Variants in DPP10 observed in about 807,000 individuals in gnomAD.
DPP10 encodes dipeptidyl peptidase like 10.
DPP10 carries 33 observed loss-of-function variants against 120.9 expected under a neutral mutation model. The observed-to-expected ratio is 0.27, with a 90% CI of 0.21 to 0.37. DPP10 has a LOEUF of 0.37. Ranked by LOEUF, DPP10 falls within the 10% of genes least tolerant of loss-of-function variation. The probability of loss-of-function intolerance (pLI) is 1.00; values close to 1 mark genes in which losing one functional copy is unlikely to be tolerated. For missense variants in DPP10, 816 were observed against 942.8 expected, an observed-to-expected ratio of 0.87 and a Z score of 1.76; for synonymous variants, 337 against 326.1, an observed-to-expected ratio of 1.03 and a Z score of -0.36.
At chr2:115,105,558 G>A (rs181728834) in intron 1 of DPP10, among the ~76,000 whole-genome samples, 10 of 152,198 alleles carry the variant, frequency 6.6e-5, no homozygotes, top group African/African-American at 2.2e-4. Context: ...CATTCATGAG[G>A]AGTCTGCCCC....
chr2:114,477,523 A>G (rs941401254), intron 1 of DPP10, among the ~76,000 whole-genome samples: 3 of 91,448 alleles, frequency 3.3e-5, no homozygotes, highest in Non-Finnish European at 7.1e-5. Context: ...GTGTGTATAT[A>G]TGTATATATA....
intron 13 of DPP10, among the ~76,000 whole-genome samples, chr2:115,773,297 C>T (rs1207587837): frequency 6.6e-6 from 1 of 152,086 alleles, no homozygotes; most frequent in African/African-American, 2.4e-5. Flanking sequence ...CAGGGTTAAA[C>T]TTGTATTGAT....
intron 5 of DPP10, among the ~76,000 whole-genome samples, chr2:115,656,797 G>A (rs557380142): frequency 6.6e-6 from 1 of 151,568 alleles, no homozygotes; most frequent in Non-Finnish European, 1.5e-5. Context: ...ATATTGGAAG[G>A]TTTGCTTATT....
intron 1 of DPP10, among the ~76,000 whole-genome samples, chr2:115,305,318 T>A (rs558809894): frequency 2.0e-5 from 3 of 152,060 alleles, no homozygotes; most frequent in Non-Finnish European, 4.4e-5. Flanking sequence ...TGTTGGGTGG[T>A]AGAAAGCCAT....
At chr2:114,526,742 A>G (rs931986788) in intron 1 of DPP10, among the ~76,000 whole-genome samples, 5 of 152,034 alleles carry the variant, frequency 3.3e-5, no homozygotes, top group Non-Finnish European at 7.4e-5. Context: ...CTTTTATAAG[A>G]GCACTAATCC....
chr2:115,593,766 G>A (rs1371908600), intron 5 of DPP10, among the ~76,000 whole-genome samples: 1 of 152,084 alleles, frequency 6.6e-6, no homozygotes, highest in East Asian at 1.9e-4. Context: ...ACAAATCATA[G>A]CAGGACCAAT....
chr2:115,841,616 G>A (rs1690155794), intron 25 of DPP10, among the ~76,000 whole-genome samples: 1 of 152,158 alleles, frequency 6.6e-6, no homozygotes, highest in Non-Finnish European at 1.5e-5. Context: ...GGAGTATGGA[G>A]TTTTATTCAA....
chr2:115,312,987 G>T (rs982442647), intron 2 of DPP10, among the ~76,000 whole-genome samples: 2 of 152,116 alleles, frequency 1.3e-5, no homozygotes, highest in Non-Finnish European at 2.9e-5. Flanking sequence ...ACTTTGGGAG[G>T]CCGAGGTGGG....
At chr2:114,529,022 G>C (rs911490019) in intron 1 of DPP10, among the ~76,000 whole-genome samples, 16 of 152,044 alleles carry the variant, frequency 1.1e-4, no homozygotes, top group African/African-American at 3.6e-4. Context: ...GGGTCTGGCT[G>C]AGAAATAACT....
intron 1 of DPP10, among the ~76,000 whole-genome samples, chr2:114,602,933 G>A (rs755675442): frequency 5.3e-5 from 8 of 151,966 alleles, no homozygotes; most frequent in African/African-American, 9.7e-5. Context: ...GATTCAGGTC[G>A]AACTTTCAAC....
At chr2:114,952,918 A>T (rs972859783) in intron 1 of DPP10, among the ~76,000 whole-genome samples, 4 of 152,282 alleles carry the variant, frequency 2.6e-5, no homozygotes, top group African/African-American at 9.6e-5. Flanking sequence ...TGTCCATTAG[A>T]TATAGCCTTT....
intron 1 of DPP10, among the ~76,000 whole-genome samples, chr2:114,714,222 C>T (rs752211554): frequency 2.0e-4 from 30 of 151,800 alleles, no homozygotes; most frequent in Non-Finnish European, 4.1e-4. Context: ...ACATGACAAG[C>T]ATGCTGGGTA....
At chr2:115,325,813 T>C (rs1259406528) in intron 2 of DPP10, among the ~76,000 whole-genome samples, 8 of 152,156 alleles carry the variant, frequency 5.3e-5, no homozygotes, top group Non-Finnish European at 1.2e-4. Flanking sequence ...AGAATTCTCA[T>C]ATGTGCTCCT....
intron 1 of DPP10, among the ~76,000 whole-genome samples, chr2:115,116,416 T>C (rs1434669091): frequency 6.6e-6 from 1 of 152,188 alleles, no homozygotes; most frequent in Admixed American, 6.5e-5. Context: ...TATTTATAGA[T>C]GAGAAAATTG....
At chr2:115,449,164 T>C (rs1174989809) in intron 3 of DPP10, among the ~76,000 whole-genome samples, 1 of 152,160 alleles carries the variant, frequency 6.6e-6, no homozygotes, top group Admixed American at 6.6e-5. Context: ...AAATTGTACA[T>C]TTTTAAACTA....
chr2:114,942,465 A>G (rs1180815694), intron 1 of DPP10, among the ~76,000 whole-genome samples: 2 of 144,368 alleles, frequency 1.4e-5, no homozygotes, highest in East Asian at 4.0e-4. Flanking sequence ...ATTTTGGCCA[A>G]TTCAATTGGT....
chr2:114,631,763 G>A (rs980121719), intron 1 of DPP10, among the ~76,000 whole-genome samples: 2 of 151,724 alleles, frequency 1.3e-5, no homozygotes, highest in Admixed American at 6.6e-5. Flanking sequence ...CCATTATTGG[G>A]ACTAAAAAAA....
rs553373162 is a variant in DPP10, at chr2:115,189,527, C to T, written c.61-119712C>T. Among the ~76,000 whole-genome samples, 237 of 152,266 alleles carry T rather than the reference C, an allele frequency of 1.6e-3. 2 individuals carry two copies. Among genetic ancestry groups the T allele is most frequent in the African/African-American group, 5.5e-3 (229 of 41,566 alleles). On this transcript the variant is annotated intron_variant, in intron 1 of 25. Transcript: ENST00000410059. ...AATGGAGCATCAAAGAATAACAGAG[C>T]TGAACATACTGACATACTGATTCTT...
intron 1 of DPP10, among the ~76,000 whole-genome samples, chr2:114,499,295 C>T (rs567049734): frequency 6.6e-6 from 1 of 152,292 alleles, no homozygotes; most frequent in East Asian, 1.9e-4. Flanking sequence ...AGGGAGTTAA[C>T]ACCCTTTGGA....
Sources: gnomAD v4.1 joint callset for allele counts (sites outside exome capture counted in the v4.1 genomes callset) on GRCh38, gnomAD v4.1.1 for gene constraint, MANE v1.5 for transcripts, NCBI Gene and HGNC (gene_info 2026-07-23, HGNC 2026-07-21) for gene names.